The following SLCO1A2 variants were observed in gnomAD, a reference collection of about 807,000 sequenced individuals.
SLCO1A2 encodes the protein solute carrier organic anion transporter family member 1A2.
Under a neutral mutation model 69.0 loss-of-function variants are expected in SLCO1A2, and 67 were observed. The ratio of observed to expected loss-of-function variants is 0.97; its 90% CI spans 0.80 to 1.19. SLCO1A2 has a LOEUF of 1.19. Among genes scored for constraint, SLCO1A2 ranks in the 50% most tolerant of loss-of-function variants. The pLI is 0.00. For synonymous variants in SLCO1A2, 260 were observed against 265.9 expected (o/e 0.98, Z 0.22); for missense variants, 787 against 793.7 (o/e 0.99, Z 0.10).
chr12:21,277,049 G>A (rs780404380), intron 12 of SLCO1A2, among the ~76,000 whole-genome samples: 2 of 152,214 alleles, frequency 1.3e-5, no homozygotes, highest in African/African-American at 2.4e-5. Context: ...TCCCTACTGA[G>A]ACACCAGCCA....
intron 1 of SLCO1A2, among the ~76,000 whole-genome samples, chr12:21,382,403 A>C (rs1481773321): frequency 6.6e-6 from 1 of 152,202 alleles, no homozygotes; most frequent in African/African-American, 2.4e-5. Context: ...GGTGACAGGT[A>C]CACTAAAATG....
intron 1 of SLCO1A2, among the ~76,000 whole-genome samples, chr12:21,402,167 A>G (rs1056371655): frequency 2.0e-5 from 3 of 150,950 alleles, no homozygotes; most frequent in Admixed American, 6.6e-5. Flanking sequence ...CTATAATGGA[A>G]AAAAATTGTG....
chr12:21,324,581 C>T (rs1266729876), intron 2 of SLCO1A2: 1 of 152,094 alleles, frequency 6.6e-6, no homozygotes, highest in Admixed American at 6.6e-5. Context: ...TGTCATAAAA[C>T]CAGAATACTC....
At chr12:21,418,196 GC>G (rs1942018444), upstream of SLCO1A2, among the ~76,000 whole-genome samples, 1 of 152,164 alleles carries the variant, frequency 6.6e-6, no homozygotes, top group African/African-American at 2.4e-5. Context: ...TGTTAGTGGT[GC>G]CCCTGGATAT....
At chr12:21,406,446 C>T (rs1941825744) in intron 1 of SLCO1A2, among the ~76,000 whole-genome samples, 1 of 152,172 alleles carries the variant, frequency 6.6e-6, no homozygotes, top group African/African-American at 2.4e-5. Flanking sequence ...TCACTCCTGC[C>T]ACCTCATCTG....
At chr12:21,380,955 T>C (rs1049476516) in intron 1 of SLCO1A2, among the ~76,000 whole-genome samples, 1 of 149,176 alleles carries the variant, frequency 6.7e-6, no homozygotes, top group African/African-American at 2.5e-5. Flanking sequence ...AAATTGTCTC[T>C]CTAAAATAAT....
intron 1 of SLCO1A2, among the ~76,000 whole-genome samples, chr12:21,386,144 A>G (rs1465451092): frequency 1.3e-5 from 2 of 152,352 alleles, no homozygotes; most frequent in African/African-American, 4.8e-5. Flanking sequence ...ACTGAAAGAT[A>G]CTATAGTAGG....
intron 2 of SLCO1A2, among the ~76,000 whole-genome samples, chr12:21,327,678 A>C (rs1952342836): frequency 6.6e-6 from 1 of 152,042 alleles, no homozygotes; most frequent in Non-Finnish European, 1.5e-5. Context: ...CATCTTCTTC[A>C]TTTTGGTTAA....
intron 12 of SLCO1A2, among the ~76,000 whole-genome samples, chr12:21,283,350 G>A (rs1945159937): frequency 1.3e-5 from 2 of 152,236 alleles, no homozygotes; most frequent in South Asian, 2.1e-4. Context: ...ATGGTGCAGG[G>A]AAAATGGAAT....
Position 21,385,001 on chromosome 12 carries a change from G to A in SLCO1A2, c.-190+9905C>T, listed in dbSNP as rs189868543. Reference sequence around the variant, plus strand: ...AGGATGGTCTCGATCTCCTGACCTCGTCATCCGTCCGTCTCGGCCTCCCAA... The same window carrying A: ...AGGATGGTCTCGATCTCCTGACCTCATCATCCGTCCGTCTCGGCCTCCCAA... On this transcript the variant is annotated intron_variant, in intron 1 of 15. Transcript: ENST00000307378. 1.3e-4 allele frequency among the ~76,000 whole-genome samples: 20 copies of A among 152,090 alleles called. No homozygotes were observed. In the East Asian group the frequency reaches 2.9e-3, roughly 22 times the overall value.
upstream of SLCO1A2, among the ~76,000 whole-genome samples, chr12:21,337,604 C>G (rs1952936345): frequency 6.6e-6 from 1 of 151,848 alleles, no homozygotes; most frequent in East Asian, 1.9e-4. Flanking sequence ...TGGCTCCTAG[C>G]TCTGTGAGAC....
intron 2 of SLCO1A2, among the ~76,000 whole-genome samples, chr12:21,355,346 G>A (rs1938281630): frequency 6.6e-6 from 1 of 152,084 alleles, no homozygotes; most frequent in Non-Finnish European, 1.5e-5. Flanking sequence ...ACTTAGATAA[G>A]TTAAGACAAA....
chr12:21,355,613 G>A (rs1229895430), intron 2 of SLCO1A2, among the ~76,000 whole-genome samples: 3 of 152,048 alleles, frequency 2.0e-5, no homozygotes, highest in Non-Finnish European at 4.4e-5. Flanking sequence ...AGATGTTAGG[G>A]AATTCTGTAT....
chr12:21,293,560 C>T (rs1947241410), intron 11 of SLCO1A2, among the ~76,000 whole-genome samples: 1 of 141,878 alleles, frequency 7.0e-6, no homozygotes, highest in African/African-American at 2.9e-5. Flanking sequence ...TACATATACA[C>T]AGAAAAATAT....
intron 1 of SLCO1A2, among the ~76,000 whole-genome samples, chr12:21,394,200 C>T (rs999202760): frequency 2.0e-5 from 3 of 152,176 alleles, no homozygotes; most frequent in Admixed American, 2.0e-4. Flanking sequence ...CTATGTATGT[C>T]TTTCTTCCCA....
At chr12:21,312,026 GAGAAGA>G (rs1355518980) in intron 4 of SLCO1A2, among the ~76,000 whole-genome samples, 1 of 148,926 alleles carries the variant, frequency 6.7e-6, no homozygotes, top group African/African-American at 2.5e-5. Flanking sequence ...GAGGGAGGAG[GAGAAGA>G]AGAAGAGGAA....
upstream of SLCO1A2, among the ~76,000 whole-genome samples, chr12:21,418,708 T>C (rs560999127): frequency 6.6e-6 from 1 of 152,224 alleles, no homozygotes; most frequent in South Asian, 2.1e-4. Flanking sequence ...GTGGGAATTA[T>C]GGGAGCTACA....
At chr12:21,337,931 T>C (rs984450204), upstream of SLCO1A2, among the ~76,000 whole-genome samples, 4 of 151,984 alleles carry the variant, frequency 2.6e-5, no homozygotes, top group Non-Finnish European at 4.4e-5. Flanking sequence ...GATTTCACCA[T>C]GCAAAGCAAA....
chr12:21,373,882 T>G, intron 2 of SLCO1A2: 1 of 494,368 alleles, frequency 2.0e-6, no homozygotes, highest in Admixed American at 3.5e-5. Flanking sequence ...TAAAAACTTT[T>G]ACATCTTGTG....
Sources: allele counts gnomAD v4.1 joint callset (sites outside exome capture counted in the v4.1 genomes callset), GRCh38; gene constraint gnomAD v4.1.1; transcripts MANE v1.5; gene names NCBI Gene and HGNC (gene_info 2026-07-23, HGNC 2026-07-21).